ZNF285: variants seen among roughly 807,000 people sequenced by gnomAD.
The protein encoded by ZNF285 is zinc finger protein 285.
ZNF285 carries 4 observed loss-of-function variants against 6.2 expected under a neutral mutation model. The ratio of observed to expected loss-of-function variants is 0.65; its 90% CI spans 0.32 to 1.49. The LOEUF is 1.49. Ranked by LOEUF, ZNF285 falls within the 40% of genes most tolerant of loss-of-function variation. The pLI is 0.07. For missense variants in ZNF285, 695 were observed against 708.8 expected, an observed-to-expected ratio of 0.98 and a Z score of 0.22; for synonymous variants, 240 against 245.8, an observed-to-expected ratio of 0.98 and a Z score of 0.22.
In ZNF285 at chr19:44,383,145, C is replaced by G. The variant is rs1421780455; in HGVS notation, c.*3327G>C. 1 of 152,126 alleles carries G rather than the reference C, an allele frequency of 6.6e-6. No individual in the cohort carries two copies. Among genetic ancestry groups the G allele is most frequent in the African/African-American group, 2.4e-5 (1 of 41,436 alleles). The allele number at this position is 152,126 out of a possible 1,614,324, so 9.4% of individuals were successfully genotyped here. ...TGTTGACCCGATAATTTTAAAACAG[C>G]CTTCAATTGGTCAAATTTTACAGGT... On this transcript the variant is annotated 3_prime_UTR_variant, in exon 4 of 4. Transcript: ENST00000614994.
intron 1 of ZNF285, among the ~76,000 whole-genome samples, chr19:44,398,732 CT>C (rs1971326224): frequency 6.6e-6 from 1 of 152,082 alleles, no homozygotes; most frequent in African/African-American, 2.4e-5. Flanking sequence ...GGGATTCCAT[CT>C]GATAAACCCT....
intron 2 of ZNF285, among the ~76,000 whole-genome samples, chr19:44,394,873 T>G (rs1387935512): frequency 1.3e-5 from 2 of 152,206 alleles, no homozygotes; most frequent in African/African-American, 4.8e-5. Flanking sequence ...GTAACACTAC[T>G]GTATGCCTTC....
rs1241759418 is a variant in ZNF285, at chr19:44,387,023, A to G, written c.1222T>C (p.Cys408Arg). The G allele has an allele frequency of 1.2e-6, 2 of 1,613,792 alleles. No individual in the cohort carries two copies. Among genetic ancestry groups the G allele is most frequent in the Non-Finnish European group, 1.7e-6 (2 of 1,179,980 alleles). ...KPYKCSECGK[C>R]FSSSSVLQVH... ...TGAAGAACGGAGCTTGAACTAAAGCACTTGCCACACTCACTGCATTTGTAG... is the reference window on the plus strand; with the variant it reads ...TGAAGAACGGAGCTTGAACTAAAGCGCTTGCCACACTCACTGCATTTGTAG... Residue 408 changes from cysteine (C) to arginine (R), a missense_variant, in exon 4 of 4, where the codon TGC (cysteine) becomes CGC (arginine). Coordinates refer to ENST00000614994, the MANE Select transcript of ZNF285 (RefSeq NM_152354.6).
chr19:44,388,408 C>T (rs1367042569), intron 3 of ZNF285, among the ~76,000 whole-genome samples: 2 of 151,036 alleles, frequency 1.3e-5, no homozygotes, highest in African/African-American at 2.5e-5. Flanking sequence ...AATGAGATTC[C>T]CATCTCTACA....
chr19:44,385,142 A>C lies in ZNF285; in HGVS notation c.*1330T>G, dbSNP rs936009895. 2.0e-5 allele frequency: 3 copies of C among 152,246 alleles called. No individual in the cohort carries two copies. Among genetic ancestry groups the C allele is most frequent in the African/African-American group, 7.2e-5 (3 of 41,454 alleles). The allele number at this position is 152,246 out of a possible 1,614,324, so 9.4% of individuals were successfully genotyped here. A position where few individuals can be genotyped will look rare whatever the true frequency, so the allele number is the denominator to read the frequency against. On this transcript the variant is annotated 3_prime_UTR_variant, in exon 4 of 4. Coordinates refer to ENST00000614994, the MANE Select transcript of ZNF285 (RefSeq NM_152354.6). ...TTATTATACAGGTCTGCTGAGAAGA[A>C]GACTGCATCAGTCTGCAATGAACAC...
chr19:44,392,209 C>T (rs997870175), intron 3 of ZNF285, 131 bp downstream of exon 3: 121 of 1,530,016 alleles, frequency 7.9e-5, no homozygotes, highest in Non-Finnish European at 1.0e-4. Context: ...TTCTAACCTG[C>T]ACATGCATCT....
In ZNF285 at chr19:44,383,817, G is replaced by T. The variant is rs1363482595; in HGVS notation, c.*2655C>A. ...AATGAGATTGGCTCCCACTGATTGGGAGCTAGACTAATTTCTGCTTTTTCC... is the reference window on the plus strand; with the variant it reads ...AATGAGATTGGCTCCCACTGATTGGTAGCTAGACTAATTTCTGCTTTTTCC... On this transcript the variant is annotated 3_prime_UTR_variant, in exon 4 of 4. Coordinates refer to ENST00000614994, the MANE Select transcript of ZNF285 (RefSeq NM_152354.6). 1 of 152,158 alleles carries T rather than the reference G, an allele frequency of 6.6e-6. No individual in the cohort carries two copies. Among genetic ancestry groups the T allele is most frequent in the African/African-American group, 2.4e-5 (1 of 41,428 alleles). The allele number at this position is 152,158 out of a possible 1,614,324, so 9.4% of individuals were successfully genotyped here.
At chr19:44,392,309 A>C in intron 3 of ZNF285, 31 bp downstream of exon 3, 26 of 1,613,138 alleles carry the variant, frequency 1.6e-5, no homozygotes, top group Non-Finnish European at 2.0e-5. Context: ...TTGAGGAAAC[A>C]GGTCCAGTGG....
intron 1 of ZNF285, among the ~76,000 whole-genome samples, chr19:44,400,557 T>C (rs1292386356): frequency 6.6e-6 from 1 of 152,092 alleles, no homozygotes; most frequent in Non-Finnish European, 1.5e-5. Context: ...ATGGAGTTAA[T>C]AATTTGGGGC....
At chr19:44,394,489 C>A in intron 2 of ZNF285, 2 of 502,928 alleles carry the variant, frequency 4.0e-6, no homozygotes, top group South Asian at 3.7e-5. Flanking sequence ...CACCAAACCC[C>A]CGCAACACAT....
At chr19:44,395,621 A>G (rs1279933147) in intron 2 of ZNF285, among the ~76,000 whole-genome samples, 3 of 152,166 alleles carry the variant, frequency 2.0e-5, no homozygotes, top group East Asian at 1.9e-4. Flanking sequence ...TTAAGGAAAT[A>G]TATACTGAAA....
At chr19:44,391,272 G>A (rs73039954) in intron 3 of ZNF285, among the ~76,000 whole-genome samples, 26,041 of 151,842 alleles carry the variant, frequency 0.17, 3,038 homozygotes, top group East Asian at 0.36. Context: ...GGAACTGTAA[G>A]TCCAGTACAC....
At position 44,387,241 on chromosome 19, in the gene ZNF285, T is replaced by C. The variant is rs1418194995; in HGVS notation, c.1004A>G (p.His335Arg). 6.2e-7 allele frequency: 1 copy of C among 1,614,116 alleles called. No homozygotes were observed. The highest frequency in any genetic ancestry group is 8.5e-7 in the Non-Finnish European group (1 of 1,180,008). The change falls in exon 4 of 4, where the codon CAT becomes CGT. Residue 335 changes from histidine (H) to arginine (R), a missense_variant. His to Arg is a conservative substitution (Grantham distance 29). Coordinates refer to ENST00000614994, the MANE Select transcript of ZNF285 (RefSeq NM_152354.6). ...GGGCATCTCCCCTGTGTGGACTCGA[T>C]GATGGTTGTGAAGGGAAGAGCTGCG... ...FRRSSSLHNH[H>R]RVHTGEMPYK...
Position 44,386,297 on chromosome 19 carries a change from A to T in ZNF285, c.*175T>A. 1.5e-6 allele frequency: 1 copy of T among 682,898 alleles called. No individual in the cohort carries two copies. Among genetic ancestry groups the T allele is most frequent in the Non-Finnish European group, 2.4e-6 (1 of 420,042 alleles). The allele number at this position is 682,898 out of a possible 1,614,324, so 42.3% of individuals were successfully genotyped here. On this transcript the variant is annotated 3_prime_UTR_variant, in exon 4 of 4. Coordinates refer to ENST00000614994, the MANE Select transcript of ZNF285 (RefSeq NM_152354.6). ...ACAGCAGTTGATGGGAGCTTCACAGAAGTTCTTGAAATCCACAGTCCTTGC... is the reference window on the plus strand; with the variant it reads ...ACAGCAGTTGATGGGAGCTTCACAGTAGTTCTTGAAATCCACAGTCCTTGC...
chr19:44,394,532 C>T, intron 2 of ZNF285: 2 of 566,028 alleles, frequency 3.5e-6, no homozygotes, highest in Non-Finnish European at 3.1e-6. Context: ...GCACATGTAT[C>T]CCTTGAATCT....
chr19:44,386,680 C>T lies in ZNF285; in HGVS notation c.1565G>A (p.Ser522Asn). The change falls in exon 4 of 4, where the codon AGC becomes AAC. Residue 522 changes from serine (S) to asparagine (N), a missense_variant. Coordinates refer to ENST00000614994, the MANE Select transcript of ZNF285 (RefSeq NM_152354.6). ...GTGAACATTAAGATCTGAATTCCGG[C>T]TGAAGCCTTTACCACACTCATCACA... ...YKCDECGKGFSRNSDLNVHLR... is the reference protein window; with the variant it reads ...YKCDECGKGFNRNSDLNVHLR... 1 of 1,614,174 alleles carries T rather than the reference C, an allele frequency of 6.2e-7. No individual in the cohort carries two copies.
rs187802746 is a variant in ZNF285 at position 44,383,972 on chromosome 19, T to C, written c.*2500A>G. Reference sequence around the variant, plus strand: ...CTCCCGGCCAAACTAGAGGATTGCCTGGGACACCTCCACCAACACTGAGGG... The same window carrying C: ...CTCCCGGCCAAACTAGAGGATTGCCCGGGACACCTCCACCAACACTGAGGG... On this transcript the variant is annotated 3_prime_UTR_variant, in exon 4 of 4. Transcript: ENST00000614994. The C allele has an allele frequency of 4.6e-5, 7 of 152,330 alleles. No homozygotes were observed. The highest frequency in any genetic ancestry group is 1.0e-4 in the Non-Finnish European group (7 of 68,028). The allele number at this position is 152,330 out of a possible 1,614,324, so 9.4% of individuals were successfully genotyped here. A position where few individuals can be genotyped will look rare whatever the true frequency, so the allele number is the denominator to read the frequency against.
rs370226490 is a variant in ZNF285, at chr19:44,392,239, GT to G, written c.142+100del. 76 of 1,559,430 alleles carry G rather than the reference GT, an allele frequency of 4.9e-5. 1 individual carries two copies. The East Asian group carries it at 1.6e-3, about 33-fold the overall frequency. ...GCATCTCTTAGGAGTTTTCTTTCCA[GT>G]GGCCAAAGTTTCTCTTTGTGGTCTA... On this transcript the variant is annotated intron_variant, in intron 3 of 3. Transcript: ENST00000614994.
intron 1 of ZNF285, among the ~76,000 whole-genome samples, chr19:44,398,812 G>A (rs879472968): frequency 6.6e-6 from 1 of 152,008 alleles, no homozygotes; most frequent in Non-Finnish European, 1.5e-5. Context: ...AAGCACTGTG[G>A]AAACACCGAA....
Sources: allele counts gnomAD v4.1 joint callset (sites outside exome capture counted in the v4.1 genomes callset), GRCh38; gene constraint gnomAD v4.1.1; transcripts MANE v1.5; gene names NCBI Gene and HGNC (gene_info 2026-07-23, HGNC 2026-07-21).